The following NRG2 variants were observed in gnomAD, a reference collection of about 807,000 sequenced individuals.
NRG2 encodes the protein neuregulin 2, also known as pro-neuregulin-2, membrane-bound isoform.
A neutral mutation model predicts 73.9 loss-of-function variants in NRG2; 27 were observed. That is an observed-to-expected ratio of 0.37 (90% CI 0.27 to 0.50). The LOEUF (loss-of-function observed/expected upper bound fraction) is 0.50. NRG2 is among the 20% of genes least tolerant of loss of function. The pLI is 0.96. For synonymous variants in NRG2, 532 were observed against 541.0 expected (o/e 0.98, Z 0.23); for missense variants, 1,126 against 1,210.1 (o/e 0.93, Z 1.03).
intron 1 of NRG2, among the ~76,000 whole-genome samples, chr5:140,020,084 T>G (rs2126665355): frequency 6.6e-6 from 1 of 152,288 alleles, no homozygotes; most frequent in Middle Eastern, 3.4e-3. Context: ...AAATTTTTCA[T>G]CTGTATACTC....
intron 1 of NRG2, among the ~76,000 whole-genome samples, chr5:139,902,026 C>T (rs997196014): frequency 6.6e-6 from 1 of 152,196 alleles, no homozygotes; most frequent in African/African-American, 2.4e-5. Context: ...ACTGCATATC[C>T]AGAGACCCAC....
At chr5:139,955,739 G>C (rs1047574602) in intron 1 of NRG2, among the ~76,000 whole-genome samples, 4 of 152,174 alleles carry the variant, frequency 2.6e-5, no homozygotes, top group African/African-American at 9.7e-5. Flanking sequence ...GGACTGCACA[G>C]AGCAGGACTT....
intron 1 of NRG2, among the ~76,000 whole-genome samples, chr5:139,921,565 A>G (rs1382759101): frequency 1.3e-5 from 2 of 152,198 alleles, no homozygotes; most frequent in South Asian, 2.1e-4. Flanking sequence ...AAAAAAAAAA[A>G]GAATCTAGAC....
intron 1 of NRG2, among the ~76,000 whole-genome samples, chr5:140,006,698 T>C (rs1758929645): frequency 6.6e-6 from 1 of 152,182 alleles, no homozygotes; most frequent in South Asian, 2.1e-4. Flanking sequence ...AAGAGAGACA[T>C]GCCAGGAAAA....
intron 5 of NRG2, among the ~76,000 whole-genome samples, chr5:139,863,605 G>T (rs1236584975): frequency 1.3e-5 from 2 of 152,226 alleles, no homozygotes; most frequent in Admixed American, 6.5e-5. Flanking sequence ...AGCCCGGGAG[G>T]CTCTCTGCCG....
intron 1 of NRG2, among the ~76,000 whole-genome samples, chr5:140,042,091 C>CA (rs1363692960): frequency 6.6e-6 from 1 of 152,184 alleles, no homozygotes; most frequent in Non-Finnish European, 1.5e-5. Flanking sequence ...GGCAGCTTTC[C>CA]AGCCCCACAT....
intron 1 of NRG2, among the ~76,000 whole-genome samples, chr5:139,948,169 A>ATTTGTC (rs1437894541): frequency 3.9e-5 from 6 of 152,276 alleles, no homozygotes; most frequent in African/African-American, 1.4e-4. Context: ...TTAATGTGGC[A>ATTTGTC]TTTGTCTTTT....
chr5:139,955,973 G>A (rs1314105183), intron 1 of NRG2, among the ~76,000 whole-genome samples: 1 of 152,192 alleles, frequency 6.6e-6, no homozygotes, highest in Non-Finnish European at 1.5e-5. Context: ...TACCACACAT[G>A]AGAATGTAGG....
intron 1 of NRG2, among the ~76,000 whole-genome samples, chr5:139,992,957 G>T (rs187796943): frequency 1.3e-5 from 2 of 151,638 alleles, no homozygotes; most frequent in South Asian, 2.1e-4. Flanking sequence ...GGTCTCTTTC[G>T]ATCTATATAG....
intron 1 of NRG2, among the ~76,000 whole-genome samples, chr5:139,938,087 T>A (rs1329679424): frequency 1.3e-5 from 2 of 151,914 alleles, no homozygotes; most frequent in African/African-American, 2.4e-5. Context: ...TACGAAAAAA[T>A]AATAATAACA....
At position 139,856,025 on chromosome 5, in the gene NRG2, C is replaced by T. The variant is rs543271078; in HGVS notation, c.1190-247G>A. On this transcript the variant is annotated intron_variant, in intron 5 of 9. Coordinates refer to ENST00000361474, the MANE Select transcript of NRG2 (RefSeq NM_004883.3). This position sits in a 1 kb window ranked among gnomAD's most constrained non-coding sequence, Gnocchi z 4.2. ...ACAACTCCTCCTGAGTTCCCCTCCC[C>T]AAGCCCCATGCCTGCCCAGAGCACA... is the stretch of plus-strand genomic sequence containing the variant. 7.4e-5 allele frequency: 40 copies of T among 537,294 alleles called. No individual in the cohort carries two copies. The African/African-American group carries it at 7.6e-4, about 10-fold the overall frequency. The allele number at this position is 537,294 out of a possible 1,614,324, so 33.3% of individuals were successfully genotyped here. A position where few individuals can be genotyped will look rare whatever the true frequency, so the allele number is the denominator to read the frequency against.
intron 1 of NRG2, among the ~76,000 whole-genome samples, chr5:140,027,751 G>T (rs966327175): frequency 4.6e-5 from 7 of 152,182 alleles, no homozygotes; most frequent in African/African-American, 1.7e-4. Flanking sequence ...TCCACTGGGG[G>T]TGGAACATAT....
At chr5:139,873,737 C>T (rs3822740) in intron 3 of NRG2, among the ~76,000 whole-genome samples, 11,891 of 152,322 alleles carry the variant, frequency 0.078, 1,244 homozygotes, top group African/African-American at 0.24. Flanking sequence ...AGACTGCCCA[C>T]TGCTGTGCCC....
At chr5:139,893,828 A>T (rs13161922) in intron 1 of NRG2, among the ~76,000 whole-genome samples, 27 of 152,196 alleles carry the variant, frequency 1.8e-4, no homozygotes, top group Non-Finnish European at 3.2e-4. Context: ...CTCCACAAAA[A>T]GATTTTCCTC....
chr5:139,978,568 C>T lies in NRG2; in HGVS notation c.700+63802G>A, dbSNP rs190816542. Among the ~76,000 whole-genome samples, 492 of 152,262 alleles carry T rather than the reference C, an allele frequency of 3.2e-3. 4 individuals carry two copies. The highest frequency in any genetic ancestry group is 0.011 in the African/African-American group (470 of 41,546). On this transcript the variant is annotated intron_variant, in intron 1 of 9. Coordinates refer to ENST00000361474, the MANE Select transcript of NRG2 (RefSeq NM_004883.3). Reference sequence around the variant, plus strand: ...CTCAGGGATCTAGAACTAGAAATACCATTTGACCCCGCCATCCCATTACTG... The same window carrying T: ...CTCAGGGATCTAGAACTAGAAATACTATTTGACCCCGCCATCCCATTACTG...
At chr5:139,873,333 G>T (rs1762977663) in intron 3 of NRG2, among the ~76,000 whole-genome samples, 1 of 152,174 alleles carries the variant, frequency 6.6e-6, no homozygotes, top group African/African-American at 2.4e-5. Flanking sequence ...GCTGATCTTT[G>T]CCCCACTTCT....
rs529536282 is a variant in NRG2 at position 139,964,911 on chromosome 5, C to T, written c.701-77400G>A. Among the ~76,000 whole-genome samples, 65 of 152,340 alleles carry T rather than the reference C, an allele frequency of 4.3e-4. No homozygotes were observed. The South Asian group carries it at 0.013, about 30-fold the overall frequency. ...TGACTGTCAGGAGATGCCACTGTGTCACCCTGGAGAGGAGAGTGGAGTTTT... is the reference window on the plus strand; with the variant it reads ...TGACTGTCAGGAGATGCCACTGTGTTACCCTGGAGAGGAGAGTGGAGTTTT... On this transcript the variant is annotated intron_variant, in intron 1 of 9. Coordinates refer to ENST00000361474, the MANE Select transcript of NRG2 (RefSeq NM_004883.3).
At chr5:139,987,772 G>GT (rs374160865) in intron 1 of NRG2, among the ~76,000 whole-genome samples, 3,255 of 126,150 alleles carry the variant, frequency 0.026, 109 homozygotes, top group African/African-American at 0.063. Context: ...TCTGCAGGTT[G>GT]TTTTTTTTTT....
intron 1 of NRG2, among the ~76,000 whole-genome samples, chr5:139,956,015 A>G (rs1468949756): frequency 6.6e-6 from 1 of 152,226 alleles, no homozygotes; most frequent in Non-Finnish European, 1.5e-5. Context: ...CTCTCTCCAT[A>G]GGAGCAGGCA....
Sources: allele counts gnomAD v4.1 joint callset (sites outside exome capture counted in the v4.1 genomes callset), GRCh38; gene constraint gnomAD v4.1.1; non-coding constraint Gnocchi (gnomAD v3.1); transcripts MANE v1.5; gene names NCBI Gene and HGNC (gene_info 2026-07-23, HGNC 2026-07-21).